Variants in ZDHHC9 observed in about 807,000 individuals in gnomAD.
The protein encoded by ZDHHC9 is zDHHC palmitoyltransferase 9.
In ZDHHC9, 3 loss-of-function variants were observed where a neutral mutation model predicts 26.6. The ratio of observed to expected loss-of-function variants is 0.11; its 90% CI spans 0.05 to 0.29. The LOEUF is 0.29. Ranked by LOEUF, ZDHHC9 falls within the 10% of genes least tolerant of loss-of-function variation. ZDHHC9 has a pLI of 1.00. For synonymous variants in ZDHHC9, 111 were observed against 109.4 expected, an observed-to-expected ratio of 1.01 and a Z score of -0.09; for missense variants, 146 against 296.4, an observed-to-expected ratio of 0.49 and a Z score of 3.73.
chrX:129,810,980 A>C lies in ZDHHC9; in HGVS notation c.903T>G (p.Ile301Met). The part of the protein sequence containing the change: ...LPPSVLDRRG[I>M]LPLEESGSRP... ...GACTTCCACTTTCCTCCAGTGGCAA[A>C]ATACCCCTTCGATCCAGCACACTGA... Residue 301 changes from isoleucine (I) to methionine (M), a missense_variant, in exon 10 of 11, where the codon ATT (isoleucine) becomes ATG (methionine). Transcript: ENST00000357166. 1 of 1,210,808 alleles carries C rather than the reference A, an allele frequency of 8.3e-7. No individual in the cohort carries two copies. Among genetic ancestry groups the C allele is most frequent in the Non-Finnish European group, 1.1e-6 (1 of 894,947 alleles).
At chrX:129,819,571 C>T (rs907974216) in intron 5 of ZDHHC9, among the ~76,000 whole-genome samples, 4 of 111,721 alleles carry the variant, frequency 3.6e-5, no homozygotes, top group African/African-American at 1.3e-4. Flanking sequence ...TTTCTTTATA[C>T]ATCATTAGAT....
Position 129,811,389 on chromosome X carries a change from T to C in ZDHHC9, c.881+17A>G, listed in dbSNP as rs1444835264. On this transcript the variant is annotated intron_variant, in intron 9 of 10. Transcript: ENST00000357166. ...GCTCATCCCAACAGTCCCAGGACTT[T>C]TGAGTGCCCTGAGCACCTGGGGGGC... The C allele has an allele frequency of 1.7e-6, 2 of 1,186,218 alleles. No individual in the cohort carries two copies. Among genetic ancestry groups the C allele is most frequent in the Non-Finnish European group, 2.3e-6 (2 of 875,452 alleles).
intron 6 of ZDHHC9, 117 bp from the exon 7 acceptor site, chrX:129,813,842 AGCTAAGCTCTCACTCGGGCAAGG>A: frequency 1.5e-6 from 1 of 670,799 alleles, no homozygotes; most frequent in Non-Finnish European, 2.3e-6. Context: ...CACTGGCAAG[AGCTAAGCTCTCACTCGGGCAAGG>A]GTGAAGAGCC....
chrX:129,830,174 A>G, intron 3 of ZDHHC9, among the ~76,000 whole-genome samples: 1 of 111,528 alleles, frequency 9.0e-6, no homozygotes. Context: ...CAGTATGTTG[A>G]TGGCATCTCC....
intron 3 of ZDHHC9, among the ~76,000 whole-genome samples, chrX:129,831,407 G>A (rs1354591924): frequency 9.0e-6 from 1 of 111,595 alleles, no homozygotes; most frequent in African/African-American, 3.3e-5. Context: ...ACCAAAGAGA[G>A]CTTAATTTTT....
intron 5 of ZDHHC9, among the ~76,000 whole-genome samples, chrX:129,820,183 G>A (rs992146698): frequency 1.8e-5 from 2 of 111,631 alleles, no homozygotes; most frequent in Non-Finnish European, 3.8e-5. Context: ...TAAGGCTTTC[G>A]ATTAATCTTA....
intron 3 of ZDHHC9, among the ~76,000 whole-genome samples, chrX:129,830,596 G>A (rs770859271): frequency 7.1e-4 from 79 of 111,682 alleles, no homozygotes; most frequent in Non-Finnish European, 1.3e-3. Context: ...CTCCTCCTGA[G>A]GCACATTTCT....
intron 3 of ZDHHC9, among the ~76,000 whole-genome samples, chrX:129,838,052 C>T (rs1299042790): frequency 8.9e-6 from 1 of 112,387 alleles, no homozygotes; most frequent in Non-Finnish European, 1.9e-5. Context: ...TGTTCATGTG[C>T]TCAAAGCTGA....
chrX:129,805,150 G>A lies in ZDHHC9; in HGVS notation c.*1220C>T, dbSNP rs1038227582. The A allele has an allele frequency of 5.3e-5, 6 of 112,447 alleles. No homozygotes were observed. The highest frequency in any genetic ancestry group is 1.9e-4 in the African/African-American group (6 of 30,835). 9.3% of individuals were successfully genotyped at this position (112,447 alleles called of 1,213,427 possible). ...CTGGGGGCCACAGCCCACCCCCAGG[G>A]TGAAGTGGCTCTGGGACTCTGCCGG... On this transcript the variant is annotated 3_prime_UTR_variant, in exon 11 of 11. Coordinates refer to ENST00000357166, the MANE Select transcript of ZDHHC9 (RefSeq NM_016032.4).
At chrX:129,814,072 A>G (rs936095266) in intron 6 of ZDHHC9, among the ~76,000 whole-genome samples, 2 of 111,910 alleles carry the variant, frequency 1.8e-5, no homozygotes, top group African/African-American at 6.5e-5. Flanking sequence ...CTCCTTGCCA[A>G]TACGTGTCCC....
At chrX:129,825,344 G>C (rs1356939158) in intron 4 of ZDHHC9, among the ~76,000 whole-genome samples, 1 of 111,440 alleles carries the variant, frequency 9.0e-6, no homozygotes, top group Admixed American at 9.6e-5. Flanking sequence ...CAGTCTCTCA[G>C]CTCAGAGATA....
intron 10 of ZDHHC9, among the ~76,000 whole-genome samples, chrX:129,809,651 G>A (rs1243179743): frequency 9.0e-6 from 1 of 111,687 alleles, no homozygotes; most frequent in Non-Finnish European, 1.9e-5. Flanking sequence ...AAAATTGATT[G>A]TTATAATGAT....
intron 5 of ZDHHC9, among the ~76,000 whole-genome samples, chrX:129,822,693 C>T (rs1042747421): frequency 8.1e-5 from 9 of 111,059 alleles, no homozygotes; most frequent in East Asian, 2.8e-4. Context: ...TTAGTATACA[C>T]GCTGCCGAAG....
At chrX:129,830,238 C>T (rs1259471893) in intron 3 of ZDHHC9, among the ~76,000 whole-genome samples, 1 of 111,388 alleles carries the variant, frequency 9.0e-6, no homozygotes, top group Non-Finnish European at 1.9e-5. Context: ...TGGGAATGCT[C>T]CGGTTTGAAT....
At chrX:129,829,199 T>G in intron 3 of ZDHHC9, 58 bp from the exon 4 acceptor site, 1 of 1,156,076 alleles carries the variant, frequency 8.6e-7, no homozygotes, top group Non-Finnish European at 1.2e-6. Context: ...GATCTCCAAT[T>G]GTTACCAGTA....
chrX:129,835,803 G>C (rs999057610), intron 3 of ZDHHC9, among the ~76,000 whole-genome samples: 2 of 111,604 alleles, frequency 1.8e-5, no homozygotes, highest in Non-Finnish European at 3.8e-5. Context: ...AAAAGAAAAA[G>C]AAAAGAAAAA....
chrX:129,843,515 AGCCACACGCTCGTACACACTCACACAC>A (rs1928433311), intron 1 of ZDHHC9, 154 bp downstream of exon 1: 1 of 111,187 alleles, frequency 9.0e-6, no homozygotes, highest in Non-Finnish European at 1.9e-5. Context: ...ACGCACACGC[AGCCACACGCTCGTACACACTCACACAC>A]GCCCCGCCAC....
At chrX:129,842,113 G>A in intron 2 of ZDHHC9, 33 bp from the exon 3 acceptor site, 1 of 569,688 alleles carries the variant, frequency 1.8e-6, no homozygotes. Flanking sequence ...AAAAAAATGA[G>A]GCAATAATAA....
At chrX:129,828,241 T>A (rs2124123467) in intron 4 of ZDHHC9, among the ~76,000 whole-genome samples, 1 of 111,901 alleles carries the variant, frequency 8.9e-6, no homozygotes, top group African/African-American at 3.2e-5. Context: ...GGGAGAAGGT[T>A]TACAGCTTTC....
Sources: gnomAD v4.1 joint callset for allele counts (sites outside exome capture counted in the v4.1 genomes callset) on GRCh38, gnomAD v4.1.1 for gene constraint, MANE v1.5 for transcripts, NCBI Gene and HGNC (gene_info 2026-07-23, HGNC 2026-07-21) for gene names.